Variants in B3GALNT1 observed in about 807,000 individuals in gnomAD.
The protein encoded by B3GALNT1 is beta-1,3-N-acetylgalactosaminyltransferase 1 (Globoside blood group), also known as UDP-GalNAc:beta-1,3-N-acetylgalactosaminyltransferase 1.
B3GALNT1 carries 17 observed loss-of-function variants against 27.3 expected under a neutral mutation model. The observed-to-expected ratio is 0.62, with a 90% CI of 0.43 to 0.94. The LOEUF is 0.94. B3GALNT1 is among the 40% of genes least tolerant of loss of function. The probability of loss-of-function intolerance (pLI) is 0.00; values close to 1 mark genes in which losing one functional copy is unlikely to be tolerated. For missense variants in B3GALNT1, 347 were observed against 390.0 expected, an observed-to-expected ratio of 0.89 and a Z score of 0.93; for synonymous variants, 141 against 144.0, an observed-to-expected ratio of 0.98 and a Z score of 0.15.
At chr3:161,091,874 A>G (rs1321235866) in intron 4 of B3GALNT1, among the ~76,000 whole-genome samples, 9 of 152,194 alleles carry the variant, frequency 5.9e-5, no homozygotes, top group Admixed American at 5.9e-4. Context: ...ATCTTTCATG[A>G]AATTACTGAT....
intron 4 of B3GALNT1, among the ~76,000 whole-genome samples, chr3:161,098,895 A>T (rs1278300653): frequency 3.9e-5 from 6 of 152,232 alleles, no homozygotes; most frequent in Non-Finnish European, 8.8e-5. Context: ...CATTTTCAAT[A>T]GGGTTCTTCA....
chr3:161,102,466 C>T (rs1052376165), intron 3 of B3GALNT1, among the ~76,000 whole-genome samples: 1 of 152,130 alleles, frequency 6.6e-6, no homozygotes, highest in Non-Finnish European at 1.5e-5. Flanking sequence ...TACAAACTGC[C>T]GTATTTCTAG....
intron 4 of B3GALNT1, among the ~76,000 whole-genome samples, chr3:161,100,145 A>G (rs35630423): frequency 0.028 from 4,210 of 152,298 alleles, 206 homozygotes; most frequent in African/African-American, 0.097. Flanking sequence ...TGTTATTCTA[A>G]CAAACGTCGA....
chr3:161,086,619 G>GA lies in B3GALNT1; in HGVS notation c.135_136insT (p.Arg46SerfsTer9). 1 of 1,614,140 alleles carries GA rather than the reference G, an allele frequency of 6.2e-7. No homozygotes were observed. Among genetic ancestry groups the GA allele is most frequent in the Non-Finnish European group, 8.5e-7 (1 of 1,180,038 alleles). On this transcript the variant is annotated frameshift_variant, in exon 5 of 5. Coordinates refer to ENST00000320474, the MANE Select transcript of B3GALNT1 (RefSeq NM_003781.4). LOFTEE classifies it high-confidence loss of function. ...TCATAGAAGTACATCCAGTTCACGC[G>GA]TTCTATCACATTGTAGTGGGGAAGG...
At chr3:161,103,803 C>T (rs1292219621) in intron 2 of B3GALNT1, among the ~76,000 whole-genome samples, 1 of 152,216 alleles carries the variant, frequency 6.6e-6, no homozygotes, top group Non-Finnish European at 1.5e-5. Context: ...TCTCGGCTCA[C>T]TGCAACCTCT....
At position 161,084,420 on chromosome 3, in the gene B3GALNT1, CT is replaced by C. The variant is rs1720767796; in HGVS notation, c.*1338del. 6.6e-6 allele frequency: 1 copy of C among 152,180 alleles called. No homozygotes were observed. Among genetic ancestry groups the C allele is most frequent in the Non-Finnish European group, 1.5e-5 (1 of 68,018 alleles). 9.4% of individuals were successfully genotyped at this position (152,180 alleles called of 1,614,324 possible). A position where few individuals can be genotyped will look rare whatever the true frequency, so the allele number is the denominator to read the frequency against. ...GAGTATTACAAGAGCTGACTACATA[CT>C]TTCAAGTTTATATTTCCTGACAAAG... On this transcript the variant is annotated 3_prime_UTR_variant, in exon 5 of 5. Transcript: ENST00000320474.
At chr3:161,100,833 G>GT (rs1324662613) in intron 4 of B3GALNT1, among the ~76,000 whole-genome samples, 4,116 of 145,920 alleles carry the variant, frequency 0.028, 201 homozygotes, top group African/African-American at 0.097. Context: ...TAGCAGGGCT[G>GT]TTTTTTTTTT....
intron 4 of B3GALNT1, among the ~76,000 whole-genome samples, chr3:161,093,379 C>T (rs552520787): frequency 7.2e-5 from 11 of 152,250 alleles, no homozygotes; most frequent in African/African-American, 1.9e-4. Flanking sequence ...ATTGAAGTGG[C>T]CTCTGTGTTC....
intron 4 of B3GALNT1, among the ~76,000 whole-genome samples, chr3:161,087,348 T>C (rs1008597240): frequency 2.0e-5 from 3 of 152,200 alleles, no homozygotes; most frequent in Admixed American, 1.3e-4. Context: ...TGATGTGGGA[T>C]AAGGCAGAGA....
chr3:161,086,081 G>A lies in B3GALNT1; in HGVS notation c.674C>T (p.Ser225Phe), dbSNP rs1353353343. Reference protein sequence around the residue: ...YRGFYQKTHISYQEYPFKVFP... With the variant: ...YRGFYQKTHIFYQEYPFKVFP... ...CACCTTGAAAGGATACTCCTGGTAAGAAATATGGGTTTTTTGGTAAAATCC... is the reference window on the plus strand; with the variant it reads ...CACCTTGAAAGGATACTCCTGGTAAAAAATATGGGTTTTTTGGTAAAATCC... Residue 225 changes from serine (S) to phenylalanine (F), a missense_variant, in exon 5 of 5, where the codon TCT (serine) becomes TTT (phenylalanine). Physicochemically the swap from Ser to Phe is radical, Grantham distance 155 (BLOSUM62 -2). Transcript: ENST00000320474. 1.9e-6 allele frequency: 3 copies of A among 1,598,114 alleles called. No individual in the cohort carries two copies. The East Asian group carries it at 6.7e-5, about 36-fold the overall frequency.
At chr3:161,104,502 A>T in intron 1 of B3GALNT1, 96 bp from the exon 2 acceptor site, 1 of 456,966 alleles carries the variant, frequency 2.2e-6, no homozygotes, top group Non-Finnish European at 3.7e-6. Flanking sequence ...GAATTCAAAG[A>T]CTACCCGTAC....
rs779284147 is a variant in B3GALNT1 at position 161,086,058 on chromosome 3, C to A, written c.697G>T (p.Val233Leu). The part of the protein sequence containing the change: ...HISYQEYPFK[V>L]FPPYCSGLGY... Reference sequence around the variant, plus strand: ...AACCCACTGCAGTATGGAGGGAACACCTTGAAAGGATACTCCTGGTAAGAA... The same window carrying A: ...AACCCACTGCAGTATGGAGGGAACAACTTGAAAGGATACTCCTGGTAAGAA... The change falls in exon 5 of 5, where the codon GTG becomes TTG. Residue 233 changes from valine to leucine, a missense_variant. Coordinates refer to ENST00000320474, the MANE Select transcript of B3GALNT1 (RefSeq NM_003781.4). The A allele has an allele frequency of 6.3e-7, 1 of 1,593,972 alleles. No individual in the cohort carries two copies. Among genetic ancestry groups the A allele is most frequent in the South Asian group, 1.2e-5 (1 of 86,866 alleles).
At chr3:161,103,371 T>C in intron 3 of B3GALNT1, 56 bp downstream of exon 3, 1 of 834,788 alleles carries the variant, frequency 1.2e-6, no homozygotes, top group Non-Finnish European at 1.7e-6. Flanking sequence ...AGGGCATTAT[T>C]ATGGGCATTT....
intron 3 of B3GALNT1, chr3:161,103,180 C>T (rs1732326343): frequency 4.9e-6 from 1 of 203,080 alleles, no homozygotes; most frequent in Admixed American, 5.8e-5. Context: ...CCAGTCCAGC[C>T]TGGGAAACAT....
At chr3:161,096,343 C>A (rs1336015978) in intron 4 of B3GALNT1, among the ~76,000 whole-genome samples, 1 of 152,152 alleles carries the variant, frequency 6.6e-6, no homozygotes, top group East Asian at 1.9e-4. Context: ...AAACAAATTT[C>A]AGTTAAATTT....
intron 4 of B3GALNT1, among the ~76,000 whole-genome samples, chr3:161,094,976 TTCTTTTAA>T (rs1169051880): frequency 6.6e-6 from 1 of 152,136 alleles, no homozygotes; most frequent in Non-Finnish European, 1.5e-5. Flanking sequence ...TTCTTTTTTA[TTCTTTTAA>T]TCTTTTAATT....
At position 161,101,173 on chromosome 3, in the gene B3GALNT1, C is replaced by T. The variant is rs1293505449; in HGVS notation, c.-69G>A. Reference sequence around the variant, plus strand: ...CGGGGTGAGTAGTCGGAGAGCACCACGTGATAGAGCAGCCAGCGGGAAGAG... The same window carrying T: ...CGGGGTGAGTAGTCGGAGAGCACCATGTGATAGAGCAGCCAGCGGGAAGAG... On this transcript the variant is annotated 5_prime_UTR_variant, in exon 4 of 5. The change creates a new upstream start codon in the 5' untranslated region. Coordinates refer to ENST00000320474, the MANE Select transcript of B3GALNT1 (RefSeq NM_003781.4). 3.7e-5 allele frequency: 48 copies of T among 1,289,678 alleles called. No individual in the cohort carries two copies. Among genetic ancestry groups the T allele is most frequent in the Non-Finnish European group, 4.8e-5 (47 of 988,886 alleles). 79.9% of individuals were successfully genotyped at this position (1,289,678 alleles called of 1,614,324 possible). A position where few individuals can be genotyped will look rare whatever the true frequency, so the allele number is the denominator to read the frequency against.
Position 161,097,880 on chromosome 3 carries a change from G to A in B3GALNT1, c.-35+3259C>T, listed in dbSNP as rs774611379. On this transcript the variant is annotated intron_variant, in intron 4 of 4. Transcript: ENST00000320474. ...GGTTTACATTTTTCTCCTTACTTTG[G>A]AGCATACAGCTGGACATATAATAGG... is the stretch of plus-strand genomic sequence containing the variant. Among the ~76,000 whole-genome samples, 9 of 152,098 alleles carry A rather than the reference G, an allele frequency of 5.9e-5. No homozygotes were observed. In the South Asian group the frequency reaches 6.2e-4, roughly 11 times the overall value.
chr3:161,095,594 G>A (rs1727688787), intron 4 of B3GALNT1, among the ~76,000 whole-genome samples: 2 of 152,194 alleles, frequency 1.3e-5, no homozygotes, highest in Non-Finnish European at 2.9e-5. Flanking sequence ...CCCAGAGAGA[G>A]TAATGCTACT....
Sources: gnomAD v4.1 joint callset for allele counts (sites outside exome capture counted in the v4.1 genomes callset) on GRCh38, gnomAD v4.1.1 for gene constraint, MANE v1.5 for transcripts, NCBI Gene and HGNC (gene_info 2026-07-23, HGNC 2026-07-21) for gene names.